PDE4D: variants seen among roughly 807,000 people sequenced by gnomAD.
The protein encoded by PDE4D is 3',5'-cyclic-AMP phosphodiesterase 4D.
In PDE4D, 24 loss-of-function variants were observed where a neutral mutation model predicts 87.4. The ratio of observed to expected loss-of-function variants is 0.27; its 90% confidence interval spans 0.20 to 0.39. PDE4D has a LOEUF of 0.39. Ranked by LOEUF, PDE4D falls within the 10% of genes least tolerant of loss-of-function variation. The probability of loss-of-function intolerance (pLI) is 1.00; values close to 1 mark genes in which losing one functional copy is unlikely to be tolerated. For synonymous variants in PDE4D, 384 were observed against 383.2 expected, an observed-to-expected ratio of 1.00 and a Z score of -0.02; for missense variants, 714 against 1,041.0, an observed-to-expected ratio of 0.69 and a Z score of 4.32.
intron 1 of PDE4D, among the ~76,000 whole-genome samples, chr5:59,653,169 GAACT>G (rs998359540): frequency 2.7e-5 from 4 of 148,660 alleles, no homozygotes; most frequent in African/African-American, 9.9e-5. Flanking sequence ...GATGCATACT[GAACT>G]GACTATTCTT....
chr5:59,944,568 T>A (rs1230969603), intron 3 of PDE4D, among the ~76,000 whole-genome samples: 1 of 152,162 alleles, frequency 6.6e-6, no homozygotes, highest in Admixed American at 6.6e-5. Context: ...AGACAGGGTT[T>A]CACCGTGTTA....
intron 1 of PDE4D, among the ~76,000 whole-genome samples, chr5:60,319,959 T>C (rs1348375948): frequency 6.6e-6 from 1 of 152,224 alleles, no homozygotes; most frequent in Admixed American, 6.5e-5. Flanking sequence ...AGTCTGTCCG[T>C]TCTCAGATCT....
intron 5 of PDE4D, among the ~76,000 whole-genome samples, chr5:59,043,590 T>A (rs1760070954): frequency 6.6e-6 from 1 of 152,170 alleles, no homozygotes; most frequent in Non-Finnish European, 1.5e-5. Context: ...AGTTCTAGGG[T>A]ACATGTGCAC....
chr5:59,504,444 T>C (rs1808868753), intron 1 of PDE4D, among the ~76,000 whole-genome samples: 1 of 152,174 alleles, frequency 6.6e-6, no homozygotes, highest in Non-Finnish European at 1.5e-5. Context: ...CTAACTAGTA[T>C]GTACCAATCA....
chr5:59,277,638 C>A (rs1024063692), intron 1 of PDE4D, among the ~76,000 whole-genome samples: 3 of 152,106 alleles, frequency 2.0e-5, no homozygotes, highest in Admixed American at 2.0e-4. Context: ...TTCCAGTTGC[C>A]ATTTCAGAAA....
chr5:59,638,475 G>A (rs1740978616), intron 1 of PDE4D, among the ~76,000 whole-genome samples: 1 of 151,954 alleles, frequency 6.6e-6, no homozygotes, highest in African/African-American at 2.4e-5. Context: ...TTAAAAAAAG[G>A]GAATTCATCA....
chr5:59,692,496 TCA>T (rs1751132565), intron 1 of PDE4D, among the ~76,000 whole-genome samples: 1 of 152,152 alleles, frequency 6.6e-6, no homozygotes, highest in South Asian at 2.1e-4. Flanking sequence ...GTAAACCCCA[TCA>T]CCTCATATTA....
chr5:59,847,826 C>T (rs551121020), intron 1 of PDE4D, among the ~76,000 whole-genome samples: 3 of 152,106 alleles, frequency 2.0e-5, no homozygotes, highest in Admixed American at 6.5e-5. Context: ...CATGGCAATG[C>T]CAATTCCTCT....
chr5:59,222,111 C>T lies in PDE4D; in HGVS notation c.456-6143G>A, dbSNP rs144411465. On this transcript the variant is annotated intron_variant, in intron 1 of 14. Transcript: ENST00000340635. ...CCCCCTACAAGAAACAAAGAGAAGT[C>T]GGACAAACTGACGAATGAACTAATT... Among the ~76,000 whole-genome samples, 690 of 152,218 alleles carry T rather than the reference C, an allele frequency of 4.5e-3. 3 individuals carry two copies. Among genetic ancestry groups the T allele is most frequent in the African/African-American group, 0.016 (647 of 41,548 alleles).
At chr5:60,017,990 T>G (rs1430911899) in intron 2 of PDE4D, among the ~76,000 whole-genome samples, 2 of 152,182 alleles carry the variant, frequency 1.3e-5, no homozygotes, top group African/African-American at 2.4e-5. Context: ...ATCGCAATTC[T>G]GACCGGCATG....
At chr5:59,414,094 T>C (rs528579334) in intron 1 of PDE4D, among the ~76,000 whole-genome samples, 1 of 152,364 alleles carries the variant, frequency 6.6e-6, no homozygotes, top group East Asian at 1.9e-4. Context: ...AGAAGCTACA[T>C]GATTACATAT....
chr5:59,017,648 C>T (rs1754306958), intron 6 of PDE4D, among the ~76,000 whole-genome samples: 2 of 124,806 alleles, frequency 1.6e-5, no homozygotes, highest in African/African-American at 3.1e-5. Flanking sequence ...GAATAGACTA[C>T]ATCCATCAAA....
chr5:59,127,556 A>T (rs1393219049), intron 5 of PDE4D, among the ~76,000 whole-genome samples: 2 of 151,812 alleles, frequency 1.3e-5, no homozygotes. Context: ...TAGAAGAAAG[A>T]AGAGTTCAGC....
chr5:60,478,687 T>C (rs1048243016), intron 1 of PDE4D, among the ~76,000 whole-genome samples: 2 of 152,112 alleles, frequency 1.3e-5, no homozygotes, highest in African/African-American at 4.8e-5. Flanking sequence ...CCAGGAGCTC[T>C]GCACTAAAGC....
intron 1 of PDE4D, among the ~76,000 whole-genome samples, chr5:59,642,223 T>C (rs1197607585): frequency 3.3e-5 from 5 of 152,014 alleles, no homozygotes; most frequent in Non-Finnish European, 7.4e-5. Context: ...TCTCTGGGAA[T>C]GGAAGTAAAA....
At chr5:59,572,358 A>AT (rs1246892991) in intron 1 of PDE4D, among the ~76,000 whole-genome samples, 7 of 150,886 alleles carry the variant, frequency 4.6e-5, no homozygotes, top group Non-Finnish European at 1.0e-4. Flanking sequence ...TAAGAAACAT[A>AT]TTTTTTATTT....
intron 1 of PDE4D, among the ~76,000 whole-genome samples, chr5:59,602,810 A>G (rs1456035619): frequency 3.3e-5 from 5 of 152,156 alleles, no homozygotes; most frequent in Non-Finnish European, 7.4e-5. Context: ...GTAGTAACCA[A>G]AACAGCATCG....
At chr5:59,210,851 A>G (rs1014178549) in intron 2 of PDE4D, among the ~76,000 whole-genome samples, 2 of 152,164 alleles carry the variant, frequency 1.3e-5, no homozygotes, top group African/African-American at 4.8e-5. Context: ...GTAGTTTGAC[A>G]GGTAACTTAT....
intron 1 of PDE4D, among the ~76,000 whole-genome samples, chr5:60,325,391 A>T (rs1234395990): frequency 6.6e-6 from 1 of 152,180 alleles, no homozygotes; most frequent in Admixed American, 6.5e-5. Context: ...AAATAATATG[A>T]TCTAATGGTC....
Sources: gnomAD v4.1 joint callset for allele counts (sites outside exome capture counted in the v4.1 genomes callset) on GRCh38, gnomAD v4.1.1 for gene constraint, MANE v1.5 for transcripts, NCBI Gene and HGNC (gene_info 2026-07-23, HGNC 2026-07-21) for gene names.